The following WASHC4 variants were observed in gnomAD, a reference collection of about 807,000 sequenced individuals.
WASHC4 encodes WASH complex subunit 4.
Under a neutral mutation model 166.6 loss-of-function variants are expected in WASHC4, and 86 were observed. The ratio of observed to expected loss-of-function variants is 0.52; its 90% CI spans 0.43 to 0.62. The LOEUF (loss-of-function observed/expected upper bound fraction) is 0.62. WASHC4 is among the 20% of genes least tolerant of loss of function. The probability of loss-of-function intolerance (pLI) is 0.00; values close to 1 mark genes in which losing one functional copy is unlikely to be tolerated. For missense variants in WASHC4, 1,262 were observed against 1,382.4 expected (o/e 0.91, Z 1.38); for synonymous variants, 446 against 451.6 (o/e 0.99, Z 0.16).
At chr12:105,121,242 T>C in intron 9 of WASHC4, 38 bp downstream of exon 9, 1 of 1,255,132 alleles carries the variant, frequency 8.0e-7, no homozygotes, top group Non-Finnish European at 1.2e-6. Flanking sequence ...TTTCTTACTT[T>C]GGTTAATGTA....
At chr12:105,126,803 T>C (rs1030429446) in intron 12 of WASHC4, among the ~76,000 whole-genome samples, 2 of 152,052 alleles carry the variant, frequency 1.3e-5, no homozygotes, top group African/African-American at 4.8e-5. Context: ...AAAAAACTTA[T>C]GTACTTAAAT....
intron 24 of WASHC4, chr12:105,147,641 C>T (rs1268093887): frequency 4.1e-6 from 4 of 973,764 alleles, no homozygotes; most frequent in Admixed American, 1.1e-4. Context: ...CGTGGTGGCT[C>T]ACGCTTGTAA....
At chr12:105,116,473 G>T (rs186219348) in intron 6 of WASHC4, among the ~76,000 whole-genome samples, 2 of 152,112 alleles carry the variant, frequency 1.3e-5, no homozygotes, top group East Asian at 3.9e-4. Context: ...CTCCATACAA[G>T]GTATTTCAAA....
At chr12:105,147,267 C>A (rs961897300) in intron 24 of WASHC4, 121 bp downstream of exon 24, 3 of 699,896 alleles carry the variant, frequency 4.3e-6, no homozygotes, top group Non-Finnish European at 7.6e-6. Flanking sequence ...CATGAATTTC[C>A]ATTTTTTTTC....
chr12:105,161,197 C>T (rs962302789), intron 29 of WASHC4, among the ~76,000 whole-genome samples: 7 of 152,142 alleles, frequency 4.6e-5, no homozygotes, highest in African/African-American at 1.7e-4. Flanking sequence ...AAGTTGTTAA[C>T]ACATCTTCTT....
chr12:105,118,577 A>G, intron 7 of WASHC4, 49 bp downstream of exon 7: 5 of 1,042,708 alleles, frequency 4.8e-6, no homozygotes, highest in Non-Finnish European at 7.6e-6. Context: ...GATGCAGAAA[A>G]TGTTCTTTCT....
chr12:105,113,683 T>G (rs1417438213), intron 2 of WASHC4, among the ~76,000 whole-genome samples: 6 of 152,052 alleles, frequency 3.9e-5, no homozygotes, highest in Non-Finnish European at 7.4e-5. Flanking sequence ...ACTTGATAAA[T>G]AGATCACATA....
chr12:105,109,707 C>CG (rs1879473578), intron 1 of WASHC4, among the ~76,000 whole-genome samples: 1 of 140,990 alleles, frequency 7.1e-6, no homozygotes, highest in Non-Finnish European at 1.5e-5. Flanking sequence ...AGTGCCGTGG[C>CG]ATCGCCACGG....
At chr12:105,158,958 T>G (rs1884330831) in intron 28 of WASHC4, among the ~76,000 whole-genome samples, 1 of 152,096 alleles carries the variant, frequency 6.6e-6, no homozygotes, top group African/African-American at 2.4e-5. Flanking sequence ...AATAAAAAAG[T>G]ATATGGGAAA....
chr12:105,159,110 TTAAA>T (rs1566029608), intron 28 of WASHC4, among the ~76,000 whole-genome samples: 1 of 152,208 alleles, frequency 6.6e-6, no homozygotes, highest in African/African-American at 2.4e-5. Context: ...TGAAAATGGT[TTAAA>T]TAGTTTCTGA....
Position 105,149,127 on chromosome 12 carries a change from T to C in WASHC4, c.2515-488T>C, listed in dbSNP as rs547033584. Reference sequence around the variant, plus strand: ...ATGGGAGAAGGCACGTTGCCTTGTGTGTAAGAGGTGATTAGAAATATTTAT... The same window carrying C: ...ATGGGAGAAGGCACGTTGCCTTGTGCGTAAGAGGTGATTAGAAATATTTAT... On this transcript the variant is annotated intron_variant, in intron 24 of 32. Coordinates refer to ENST00000332180, the MANE Select transcript of WASHC4 (RefSeq NM_015275.3). The C allele has an allele frequency of 6.6e-5, 65 of 985,438 alleles. No homozygotes were observed. In the African/African-American group the frequency reaches 1.1e-3, roughly 17 times the overall value. The allele number at this position is 985,438 out of a possible 1,614,324, so 61.0% of individuals were successfully genotyped here. A position where few individuals can be genotyped will look rare whatever the true frequency, so the allele number is the denominator to read the frequency against.
chr12:105,109,483 T>C (rs1879437380), intron 1 of WASHC4, among the ~76,000 whole-genome samples: 4 of 152,350 alleles, frequency 2.6e-5, no homozygotes, highest in South Asian at 2.1e-4. Flanking sequence ...AAAATTACCA[T>C]GTAGTTCTTA....
chr12:105,156,486 G>A (rs1225569124), intron 26 of WASHC4: 2 of 217,372 alleles, frequency 9.2e-6, no homozygotes, highest in Non-Finnish European at 1.8e-5. Flanking sequence ...TTTATCAAAT[G>A]AAAATAACAT....
In WASHC4 at chr12:105,109,257, TGAC is replaced by T. The variant is rs1879412148; in HGVS notation, c.61+1399_61+1401del. ...GTCATATATGTTTTATGGACAAAGATGACGAACTGGTATCTTCAAAAAAAATTG... is the reference window on the plus strand; with the variant it reads ...GTCATATATGTTTTATGGACAAAGATGAACTGGTATCTTCAAAAAAAATTG... On this transcript the variant is annotated intron_variant, in intron 1 of 32. Coordinates refer to ENST00000332180, the MANE Select transcript of WASHC4 (RefSeq NM_015275.3). Among the ~76,000 whole-genome samples, 3 of 152,318 alleles carry T rather than the reference TGAC, an allele frequency of 2.0e-5. No individual in the cohort carries two copies. The South Asian group carries it at 6.2e-4, about 32-fold the overall frequency.
At chr12:105,151,696 G>T (rs61940663) in intron 25 of WASHC4, among the ~76,000 whole-genome samples, 3,020 of 152,220 alleles carry the variant, frequency 0.02, 46 homozygotes, top group Non-Finnish European at 0.033. Context: ...TGGTCAGACT[G>T]GTCTTGGACT....
intron 13 of WASHC4, among the ~76,000 whole-genome samples, chr12:105,131,106 G>A (rs1271003517): frequency 6.7e-6 from 1 of 149,184 alleles, no homozygotes; most frequent in African/African-American, 2.5e-5. Flanking sequence ...TTGAGACGGA[G>A]TCTCGCTCTG....
In WASHC4 at chr12:105,131,003, G is replaced by C. The variant is rs1881751604; in HGVS notation, c.1200-2767G>C. Among the ~76,000 whole-genome samples, 7 of 151,996 alleles carry C rather than the reference G, an allele frequency of 4.6e-5. No homozygotes were observed. The South Asian group carries it at 1.4e-3, about 31-fold the overall frequency. On this transcript the variant is annotated intron_variant, in intron 13 of 32. Coordinates refer to ENST00000332180, the MANE Select transcript of WASHC4 (RefSeq NM_015275.3). ...CTGACAATCCAATAGGACACTTCAC[G>C]ATTTTTGTACTCTTTGTCAGTTAAC...
chr12:105,115,777 T>G, intron 6 of WASHC4, 49 bp downstream of exon 6: 1 of 1,163,188 alleles, frequency 8.6e-7, no homozygotes, highest in Non-Finnish European at 1.3e-6. Flanking sequence ...AAAGTTTGAG[T>G]AAATTACACA....
At chr12:105,127,638 T>G (rs1417946409) in intron 13 of WASHC4, among the ~76,000 whole-genome samples, 1 of 152,186 alleles carries the variant, frequency 6.6e-6, no homozygotes. Flanking sequence ...ATGGTGATTT[T>G]GGGAGAGGTT....
Sources: gnomAD v4.1 joint callset for allele counts (sites outside exome capture counted in the v4.1 genomes callset) on GRCh38, gnomAD v4.1.1 for gene constraint, MANE v1.5 for transcripts, NCBI Gene and HGNC (gene_info 2026-07-23, HGNC 2026-07-21) for gene names.